RNF150: variants seen among roughly 807,000 people sequenced by gnomAD.
The protein encoded by RNF150 is ring finger protein 150.
Under a neutral mutation model 39.3 loss-of-function variants are expected in RNF150, and 24 were observed. The ratio of observed to expected loss-of-function variants is 0.61; its 90% confidence interval spans 0.44 to 0.86. RNF150 has a LOEUF of 0.86. Among genes scored for constraint, RNF150 ranks in the 40% least tolerant of loss-of-function variants. RNF150 has a pLI of 0.00. For synonymous variants in RNF150, 255 were observed against 227.3 expected (o/e 1.12, Z -1.10); for missense variants, 502 against 587.8 (o/e 0.85, Z 1.51).
intron 6 of RNF150, among the ~76,000 whole-genome samples, chr4:140,887,618 C>A (rs762250436): frequency 6.6e-6 from 1 of 152,156 alleles, no homozygotes; most frequent in African/African-American, 2.4e-5. Flanking sequence ...CAGCCTTATC[C>A]CTACTGCTTG....
At chr4:140,898,878 C>G (rs1730059605) in intron 6 of RNF150, among the ~76,000 whole-genome samples, 1 of 152,140 alleles carries the variant, frequency 6.6e-6, no homozygotes, top group Non-Finnish European at 1.5e-5. Context: ...GCAGCCAATA[C>G]TTTCTTGTGC....
At chr4:140,981,448 T>G (rs1733856196) in intron 1 of RNF150, among the ~76,000 whole-genome samples, 1 of 152,194 alleles carries the variant, frequency 6.6e-6, no homozygotes, top group Non-Finnish European at 1.5e-5. Context: ...AAGGTGTCAC[T>G]ATCTAGGCCA....
chr4:141,171,174 G>T (rs371860646), intron 1 of RNF150, among the ~76,000 whole-genome samples: 1 of 152,130 alleles, frequency 6.6e-6, no homozygotes, highest in African/African-American at 2.4e-5. Context: ...AAAGAAGGAG[G>T]CTTAGAAAAT....
intron 1 of RNF150, among the ~76,000 whole-genome samples, chr4:141,057,746 C>T (rs1737040543): frequency 2.0e-5 from 3 of 152,084 alleles, no homozygotes; most frequent in Admixed American, 2.0e-4. Context: ...CTGGTATCTG[C>T]TCTTCTTTAC....
At position 140,945,554 on chromosome 4, in the gene RNF150, C is replaced by CAT. The variant is rs200359869; in HGVS notation, c.890+2098_890+2099dup. 8.2e-4 allele frequency among the ~76,000 whole-genome samples: 121 copies of CAT among 147,408 alleles called. 2 individuals carry two copies. In the East Asian group the frequency reaches 0.01, roughly 12 times the overall value. ...TACATATAAATACATATATACACTA[C>CAT]ATATATATATACATATATACATATA... On this transcript the variant is annotated intron_variant, in intron 4 of 6. Transcript: ENST00000515673.
chr4:141,156,674 G>A (rs796345956), intron 1 of RNF150, among the ~76,000 whole-genome samples: 13 of 146,430 alleles, frequency 8.9e-5, no homozygotes, highest in South Asian at 2.2e-4. Context: ...TGGGCAGATC[G>A]CCTGAGATCA....
At chr4:140,968,745 C>A (rs117503004) in intron 1 of RNF150, among the ~76,000 whole-genome samples, 2 of 151,726 alleles carry the variant, frequency 1.3e-5, no homozygotes, top group Non-Finnish European at 2.9e-5. Flanking sequence ...ATTGTCCTTA[C>A]GCATCATGAC....
intron 1 of RNF150, among the ~76,000 whole-genome samples, chr4:140,974,330 T>C (rs1430999401): frequency 6.6e-6 from 1 of 152,216 alleles, no homozygotes; most frequent in Non-Finnish European, 1.5e-5. Context: ...CAAGCATGTA[T>C]CAGTAATTCA....
At chr4:140,983,326 C>T (rs1227763265) in intron 1 of RNF150, among the ~76,000 whole-genome samples, 1 of 152,142 alleles carries the variant, frequency 6.6e-6, no homozygotes, top group Admixed American at 6.5e-5. Context: ...GTCATTCTAA[C>T]ACTATACTCT....
chr4:141,115,595 A>G (rs2111072526), intron 1 of RNF150, among the ~76,000 whole-genome samples: 1 of 152,330 alleles, frequency 6.6e-6, no homozygotes, highest in East Asian at 1.9e-4. Context: ...AGCTATCCCC[A>G]TCAAGCTACC....
In RNF150 at chr4:140,923,672, G is replaced by A. The variant is rs148935257; in HGVS notation, c.987+2305C>T. On this transcript the variant is annotated intron_variant, in intron 5 of 6. Coordinates refer to ENST00000515673, the MANE Select transcript of RNF150 (RefSeq NM_020724.2). The stretch of plus-strand genomic sequence containing the variant: ...TGCTGTTATAAAGACACATGCACAC[G>A]TGTGTTTATTGCAGCACTATTCACA... Among the ~76,000 whole-genome samples the A allele has an allele frequency of 4.6e-5, 7 of 152,258 alleles. No individual in the cohort carries two copies. The East Asian group carries it at 1.4e-3, about 29-fold the overall frequency.
intron 4 of RNF150, among the ~76,000 whole-genome samples, chr4:140,936,959 TGA>T (rs1048999607): frequency 6.6e-6 from 1 of 152,208 alleles, no homozygotes; most frequent in East Asian, 1.9e-4. Flanking sequence ...TCCATGGTTC[TGA>T]GAGAGTGCTA....
chr4:141,161,434 G>T (rs1727511280), intron 1 of RNF150, among the ~76,000 whole-genome samples: 1 of 152,234 alleles, frequency 6.6e-6, no homozygotes, highest in Non-Finnish European at 1.5e-5. Context: ...AGGGGAAGCA[G>T]ATTGTGAAAG....
At chr4:141,085,229 A>G (rs141897223) in intron 1 of RNF150, among the ~76,000 whole-genome samples, 1 of 152,186 alleles carries the variant, frequency 6.6e-6, no homozygotes, top group Non-Finnish European at 1.5e-5. Context: ...AAGCCATGAG[A>G]TCTGGTGAGA....
chr4:141,150,785 C>T (rs996319911), intron 1 of RNF150, among the ~76,000 whole-genome samples: 2 of 152,150 alleles, frequency 1.3e-5, no homozygotes, highest in African/African-American at 4.8e-5. Flanking sequence ...AATTTTCATC[C>T]ACATTCTTTA....
intron 1 of RNF150, chr4:141,053,767 A>G: frequency 2.6e-6 from 3 of 1,170,716 alleles, no homozygotes; most frequent in Admixed American, 3.6e-5. Flanking sequence ...AGAAAACGAG[A>G]TAAGTGATCC....
At chr4:141,164,254 A>G (rs966050017) in intron 1 of RNF150, among the ~76,000 whole-genome samples, 1 of 152,024 alleles carries the variant, frequency 6.6e-6, no homozygotes, top group Non-Finnish European at 1.5e-5. Context: ...AAGATTAGAG[A>G]AAAAAGAATG....
chr4:140,964,713 A>G (rs1733166961), intron 2 of RNF150, among the ~76,000 whole-genome samples: 1 of 152,114 alleles, frequency 6.6e-6, no homozygotes, highest in Non-Finnish European at 1.5e-5. Flanking sequence ...CTATAAGTTT[A>G]AAAACTCATA....
intron 1 of RNF150, among the ~76,000 whole-genome samples, chr4:141,031,775 G>A (rs895501039): frequency 2.0e-5 from 3 of 152,014 alleles, no homozygotes; most frequent in Non-Finnish European, 4.4e-5. Flanking sequence ...GTGGAGAAAG[G>A]GAGAACCCTT....
Sources: gnomAD v4.1 joint callset for allele counts (sites outside exome capture counted in the v4.1 genomes callset) on GRCh38, gnomAD v4.1.1 for gene constraint, MANE v1.5 for transcripts, NCBI Gene and HGNC (gene_info 2026-07-23, HGNC 2026-07-21) for gene names.